The following CMIP variants were observed in gnomAD, a reference collection of about 807,000 sequenced individuals.
The protein encoded by CMIP is C-Maf-inducing protein.
A neutral mutation model predicts 97.3 loss-of-function variants in CMIP; 13 were observed. That is an observed-to-expected ratio of 0.13 (90% CI 0.09 to 0.21). The LOEUF (loss-of-function observed/expected upper bound fraction) is 0.21, where lower values mean the gene tolerates loss of function less well. Ranked by LOEUF, CMIP falls within the 10% of genes least tolerant of loss-of-function variation. CMIP has a pLI of 1.00. For missense variants in CMIP, 847 were observed against 1,024.9 expected, an observed-to-expected ratio of 0.83 and a Z score of 2.37; for synonymous variants, 538 against 436.3, an observed-to-expected ratio of 1.23 and a Z score of -2.91.
rs757941192 is a variant in CMIP at position 81,709,732 on chromosome 16, A to G, written c.2269-14A>G. 1.3e-5 allele frequency: 21 copies of G among 1,613,700 alleles called. No homozygotes were observed. The highest frequency in any genetic ancestry group is 1.7e-5 in the Non-Finnish European group (20 of 1,179,804). Reference sequence around the variant, plus strand: ...TGGCCTACACGTGACAAGGACTCTTATTGCCACCCCCAGGCCAAGCTTCCC... The same window carrying G: ...TGGCCTACACGTGACAAGGACTCTTGTTGCCACCCCCAGGCCAAGCTTCCC... On this transcript the variant is annotated splice_polypyrimidine_tract_variant and intron_variant, in intron 20 of 20. Transcript: ENST00000537098.
intron 4 of CMIP, among the ~76,000 whole-genome samples, chr16:81,656,437 G>T (rs1156505648): frequency 1.3e-5 from 2 of 152,164 alleles, no homozygotes; most frequent in Middle Eastern, 3.2e-3. Context: ...TAGGAAATAC[G>T]AATTGGCACC....
At chr16:81,459,747 C>G (rs1906791095) in intron 1 of CMIP, among the ~76,000 whole-genome samples, 1 of 152,202 alleles carries the variant, frequency 6.6e-6, no homozygotes, top group African/African-American at 2.4e-5. Flanking sequence ...AGACTTCCAC[C>G]CCAAGCAGGC....
chr16:81,597,456 A>G (rs2091576744), intron 1 of CMIP, among the ~76,000 whole-genome samples: 1 of 152,154 alleles, frequency 6.6e-6, no homozygotes, highest in Non-Finnish European at 1.5e-5. Context: ...CGGTTGGTCA[A>G]GTTGTGCACC....
intron 1 of CMIP, among the ~76,000 whole-genome samples, chr16:81,516,213 C>T (rs1214555945): frequency 6.6e-6 from 1 of 152,070 alleles, no homozygotes; most frequent in Non-Finnish European, 1.5e-5. Context: ...GTGACATGGC[C>T]CCAGCTTTGG....
At chr16:81,634,623 G>A (rs1022601979) in intron 3 of CMIP, among the ~76,000 whole-genome samples, 12 of 152,174 alleles carry the variant, frequency 7.9e-5, no homozygotes, top group African/African-American at 2.4e-4. Flanking sequence ...CGCCTCCCCA[G>A]GGAGGGCAGG....
At chr16:81,639,591 T>C (rs1478367006) in intron 3 of CMIP, among the ~76,000 whole-genome samples, 1 of 152,246 alleles carries the variant, frequency 6.6e-6, no homozygotes, top group African/African-American at 2.4e-5. Flanking sequence ...CCTTCCTTTT[T>C]AAGACAGAAT....
chr16:81,610,583 G>A, intron 2 of CMIP: 2 of 973,618 alleles, frequency 2.1e-6, no homozygotes, highest in Non-Finnish European at 2.4e-6. Flanking sequence ...TTCTCTCCCT[G>A]GCTGCCATTT....
chr16:81,574,816 C>T (rs895043914), intron 1 of CMIP, among the ~76,000 whole-genome samples: 3 of 152,196 alleles, frequency 2.0e-5, no homozygotes, highest in Admixed American at 6.5e-5. Context: ...GCTCACACTT[C>T]AGCTGACTGT....
chr16:81,445,368 G>C lies in CMIP; in HGVS notation c.127G>C (p.Ala43Pro). 5.0e-6 allele frequency: 8 copies of C among 1,604,410 alleles called. No homozygotes were observed. The highest frequency in any genetic ancestry group is 6.8e-6 in the Non-Finnish European group (8 of 1,175,854). ...TKMGAVPCRR[A>P]LLLCNGMRYK... is the part of the protein sequence containing the mutation. ...GATGGGCGCCGTGCCCTGCCGCCGG[G>C]CTCTTCTGCTTTGCAACGGGATGAG... Residue 43 changes from alanine to proline, a missense_variant, in exon 1 of 21, where the codon GCT becomes CCT. Around this residue, in one of 4 missense-constraint regions of CMIP, gnomAD observed 94 missense variants for 79.9 expected, o/e 1.18. Coordinates refer to ENST00000537098, the MANE Select transcript of CMIP (RefSeq NM_198390.3).
chr16:81,562,414 T>C (rs1247988806), intron 1 of CMIP, among the ~76,000 whole-genome samples: 1 of 152,256 alleles, frequency 6.6e-6, no homozygotes, highest in Non-Finnish European at 1.5e-5. Flanking sequence ...CAGAAACCAC[T>C]GGCAAGGTGC....
chr16:81,670,034 C>A, intron 7 of CMIP, 108 bp from the exon 8 acceptor site: 2 of 1,034,606 alleles, frequency 1.9e-6, no homozygotes. Context: ...TCCACATCAA[C>A]AGCTCCAGGC....
Position 81,481,587 on chromosome 16 carries a change from G to C in CMIP, c.300+36046G>C, listed in dbSNP as rs1232923876. On this transcript the variant is annotated intron_variant, in intron 1 of 20. Transcript: ENST00000537098. ...TCCCAGAGGGTGCTGTTTCAACTGA[G>C]GTCTTGGGGGGATGGGTACACTAGT... 2.0e-5 allele frequency among the ~76,000 whole-genome samples: 3 copies of C among 152,226 alleles called. No homozygotes were observed. The East Asian group carries it at 5.8e-4, about 29-fold the overall frequency.
intron 1 of CMIP, among the ~76,000 whole-genome samples, chr16:81,463,085 C>T (rs2150739570): frequency 6.6e-6 from 1 of 152,292 alleles, no homozygotes; most frequent in East Asian, 1.9e-4. Context: ...GTGAATGGAG[C>T]AGTGGACGAT....
intron 1 of CMIP, among the ~76,000 whole-genome samples, chr16:81,551,021 CATCACA>C: frequency 7.2e-6 from 1 of 139,230 alleles, no homozygotes; most frequent in African/African-American, 2.7e-5. Flanking sequence ...CACCCCAGTT[CATCACA>C]CGCACCCCAG....
chr16:81,533,764 C>G (rs2090286853), intron 1 of CMIP: 1 of 152,340 alleles, frequency 6.6e-6, no homozygotes, highest in Admixed American at 6.5e-5. Context: ...CAGGCATGAG[C>G]CACCGCGCCT....
chr16:81,495,627 T>C (rs1218549653), intron 1 of CMIP: 1 of 872,472 alleles, frequency 1.1e-6, no homozygotes, highest in African/African-American at 1.7e-5. Context: ...TGTCTGCTAA[T>C]CTGAGAGACC....
Position 81,706,969 on chromosome 16 carries a change from T to A in CMIP, c.2198-45T>A, listed in dbSNP as rs748746114. The A allele has an allele frequency of 1.1e-5, 17 of 1,570,494 alleles. No individual in the cohort carries two copies. In the South Asian group the frequency reaches 1.8e-4, roughly 16 times the overall value. ...CTTGGCCATCCCATACCTTCATACCTTTGGGGCCTCGCTCTCCTAACAACT... is the reference window on the plus strand; with the variant it reads ...CTTGGCCATCCCATACCTTCATACCATTGGGGCCTCGCTCTCCTAACAACT... On this transcript the variant is annotated intron_variant, in intron 19 of 20. Transcript: ENST00000537098.
At chr16:81,572,462 C>T (rs1185540217) in intron 1 of CMIP, among the ~76,000 whole-genome samples, 1 of 152,252 alleles carries the variant, frequency 6.6e-6, no homozygotes, top group Non-Finnish European at 1.5e-5. Context: ...CGGTACTTCT[C>T]TGCATCTGGC....
At chr16:81,502,200 G>T (rs1014540088) in intron 1 of CMIP, among the ~76,000 whole-genome samples, 3 of 152,184 alleles carry the variant, frequency 2.0e-5, no homozygotes, top group African/African-American at 4.8e-5. Context: ...TCTGGACCCG[G>T]GACCTGGGCT....
Sources: allele counts gnomAD v4.1 joint callset (sites outside exome capture counted in the v4.1 genomes callset), GRCh38; gene constraint gnomAD v4.1.1; regional missense constraint gnomAD v4.1.1; transcripts MANE v1.5; gene names NCBI Gene and HGNC (gene_info 2026-07-23, HGNC 2026-07-21).